ITGAV: variants seen among roughly 807,000 people sequenced by gnomAD.
ITGAV encodes the protein integrin subunit alpha V.
Under a neutral mutation model 143.8 loss-of-function variants are expected in ITGAV, and 76 were observed. That is an observed-to-expected ratio of 0.53 (90% CI 0.44 to 0.64). The LOEUF (loss-of-function observed/expected upper bound fraction) is 0.64, where lower values mean the gene tolerates loss of function less well. ITGAV is among the 30% of genes least tolerant of loss of function. ITGAV has a pLI of 0.00. For synonymous variants in ITGAV, 453 were observed against 446.7 expected (o/e 1.01, Z -0.18); for missense variants, 1,193 against 1,274.7 (o/e 0.94, Z 0.98).
At chr2:186,613,075 T>G (rs1448802719) in intron 2 of ITGAV, among the ~76,000 whole-genome samples, 3 of 152,048 alleles carry the variant, frequency 2.0e-5, no homozygotes, top group Non-Finnish European at 4.4e-5. Context: ...CACAAGCTCT[T>G]TTAAAGTTTC....
intron 4 of ITGAV, 61 bp downstream of exon 4, chr2:186,625,648 A>AAT: frequency 2.5e-6 from 2 of 801,176 alleles, no homozygotes; most frequent in Non-Finnish European, 3.9e-6. Flanking sequence ...GTTTGTTAAA[A>AAT]ATATGTGTGT....
At chr2:186,593,946 T>G (rs1686681025) in intron 1 of ITGAV, among the ~76,000 whole-genome samples, 1 of 152,268 alleles carries the variant, frequency 6.6e-6, no homozygotes, top group Middle Eastern at 3.2e-3. Flanking sequence ...ATGTATTTCT[T>G]TATTTTAAAA....
intron 26 of ITGAV, 57 bp from the exon 27 acceptor site, chr2:186,675,547 A>T: frequency 7.5e-7 from 1 of 1,335,126 alleles, no homozygotes; most frequent in Non-Finnish European, 1.1e-6. Flanking sequence ...AAATTTTCAA[A>T]TGTTGAAGAG....
At chr2:186,638,497 A>G (rs1369217846) in intron 10 of ITGAV, 32 bp downstream of exon 10, 3 of 1,570,148 alleles carry the variant, frequency 1.9e-6, no homozygotes, top group Non-Finnish European at 1.8e-6. Flanking sequence ...GTCCTCTCCC[A>G]CTATAAAAGC....
At chr2:186,618,606 A>G (rs1687434177) in intron 2 of ITGAV, among the ~76,000 whole-genome samples, 1 of 152,262 alleles carries the variant, frequency 6.6e-6, no homozygotes. Context: ...AAATTTAAAG[A>G]AAAGTAACGT....
intron 1 of ITGAV, among the ~76,000 whole-genome samples, chr2:186,596,005 C>A (rs1470023258): frequency 6.6e-6 from 1 of 152,054 alleles, no homozygotes; most frequent in African/African-American, 2.4e-5. Context: ...CTTTTAAAGA[C>A]AGAATTTAAG....
At chr2:186,652,384 C>A (rs1688460335) in intron 15 of ITGAV, among the ~76,000 whole-genome samples, 2 of 152,162 alleles carry the variant, frequency 1.3e-5, no homozygotes, top group African/African-American at 4.8e-5. Context: ...GAGATGGGGT[C>A]TCCCTATATT....
At chr2:186,654,566 A>G in intron 15 of ITGAV, 84 bp from the exon 16 acceptor site, 2 of 655,312 alleles carry the variant, frequency 3.1e-6, no homozygotes, top group Non-Finnish European at 5.4e-6. Flanking sequence ...CAAACTATGT[A>G]GTAGAAAGAT....
chr2:186,674,504 A>AC (rs1410617593), intron 26 of ITGAV, among the ~76,000 whole-genome samples: 3 of 150,442 alleles, frequency 2.0e-5, no homozygotes, highest in Non-Finnish European at 3.0e-5. Context: ...TAATCTGGAT[A>AC]CCTTTTACTT....
At chr2:186,605,940 G>T (rs1559040258) in intron 2 of ITGAV, among the ~76,000 whole-genome samples, 1 of 149,260 alleles carries the variant, frequency 6.7e-6, no homozygotes, top group Admixed American at 6.7e-5. Context: ...TAATCCTTTT[G>T]TATAACTTCT....
chr2:186,634,091 C>G (rs1390038729), intron 6 of ITGAV, among the ~76,000 whole-genome samples: 2 of 152,044 alleles, frequency 1.3e-5, no homozygotes, highest in Non-Finnish European at 2.9e-5. Flanking sequence ...AAATATTAAA[C>G]TGGCATTGAT....
intron 13 of ITGAV, among the ~76,000 whole-genome samples, chr2:186,647,135 G>A (rs1688286122): frequency 6.6e-6 from 1 of 152,050 alleles, no homozygotes; most frequent in Non-Finnish European, 1.5e-5. Context: ...TATTACAGAA[G>A]TTATAAACAA....
intron 4 of ITGAV, 59 bp from the exon 5 acceptor site, chr2:186,630,738 G>C: frequency 2.2e-6 from 2 of 915,946 alleles, no homozygotes; most frequent in Non-Finnish European, 3.5e-6. Context: ...ATTTTCTCAT[G>C]TTTTGTTTTG....
intron 18 of ITGAV, 73 bp from the exon 19 acceptor site, chr2:186,663,695 G>A (rs941084550): frequency 7.8e-6 from 8 of 1,021,478 alleles, no homozygotes; most frequent in Non-Finnish European, 1.2e-5. Flanking sequence ...TAACCACATA[G>A]ATATTGATAA....
intron 19 of ITGAV, 30 bp downstream of exon 19, chr2:186,663,865 A>T: frequency 6.8e-7 from 1 of 1,460,128 alleles, no homozygotes; most frequent in Non-Finnish European, 9.6e-7. Flanking sequence ...ATAATGTAGT[A>T]AGAAATTTAA....
At chr2:186,603,838 C>A (rs1686981843) in intron 2 of ITGAV, among the ~76,000 whole-genome samples, 1 of 151,686 alleles carries the variant, frequency 6.6e-6, no homozygotes, top group African/African-American at 2.4e-5. Flanking sequence ...ATACAACTCA[C>A]ATCAGTCTTC....
chr2:186,645,845 G>A (rs1186521300), intron 12 of ITGAV, among the ~76,000 whole-genome samples: 2 of 151,178 alleles, frequency 1.3e-5, no homozygotes, highest in South Asian at 2.1e-4. Context: ...GGTGGCGGGC[G>A]CCTGTAGTCC....
chr2:186,677,532 G>T lies in ITGAV; in HGVS notation c.*240G>T. On this transcript the variant is annotated 3_prime_UTR_variant, in exon 30 of 30. Transcript: ENST00000261023. ...GTATTTAAATAATAAAATTTCAAGG[G>T]ATAGTTTTTATTCAATGTATATAAG... is the stretch of plus-strand genomic sequence containing the variant. The T allele has an allele frequency of 2.5e-6, 1 of 398,356 alleles. No individual in the cohort carries two copies. 24.7% of individuals were successfully genotyped at this position (398,356 alleles called of 1,614,324 possible).
chr2:186,635,349 C>G lies in ITGAV; in HGVS notation c.632-733C>G, dbSNP rs560208270. 9.9e-5 allele frequency among the ~76,000 whole-genome samples: 15 copies of G among 152,258 alleles called. No individual in the cohort carries two copies. In the East Asian group the frequency reaches 2.1e-3, roughly 22 times the overall value. On this transcript the variant is annotated intron_variant, in intron 6 of 29. Transcript: ENST00000261023. ...AATTCAGGAAATGTTTATTGAATTT[C>G]ATATGTTCTTGGTACCGCTGAAGCC...
Sources: gnomAD v4.1 joint callset for allele counts (sites outside exome capture counted in the v4.1 genomes callset) on GRCh38, gnomAD v4.1.1 for gene constraint, MANE v1.5 for transcripts, NCBI Gene and HGNC (gene_info 2026-07-23, HGNC 2026-07-21) for gene names.